Variants in CLIC2 observed in about 807,000 individuals in gnomAD.
CLIC2 encodes the protein chloride intracellular channel protein 2.
A neutral mutation model predicts 14.8 loss-of-function variants in CLIC2; 9 were observed. The ratio of observed to expected loss-of-function variants is 0.61; its 90% confidence interval spans 0.37 to 1.06. CLIC2 has a LOEUF of 1.06. Ranked by LOEUF, CLIC2 falls within the 50% of genes least tolerant of loss-of-function variation. CLIC2 has a pLI of 0.01. For missense variants in CLIC2, 148 were observed against 181.4 expected, an observed-to-expected ratio of 0.82 and a Z score of 1.06; for synonymous variants, 61 against 66.3, an observed-to-expected ratio of 0.92 and a Z score of 0.39.
chrX:155,302,902 C>T (rs2075026366), intron 1 of CLIC2, among the ~76,000 whole-genome samples: 1 of 86,934 alleles, frequency 1.2e-5, no homozygotes, highest in Non-Finnish European at 2.3e-5. Context: ...GAGTGAGATT[C>T]TTAATCCTGA....
chrX:155,279,369 T>TTA, intron 4 of CLIC2, 39 bp from the exon 5 acceptor site: 1 of 1,046,774 alleles, frequency 9.6e-7, no homozygotes, highest in Non-Finnish European at 1.3e-6. Flanking sequence ...GTAAATGTAT[T>TTA]GTCTTTTGAC....
chrX:155,306,618 C>T (rs1313718186), intron 1 of CLIC2, among the ~76,000 whole-genome samples: 1 of 111,436 alleles, frequency 9.0e-6, no homozygotes, highest in Non-Finnish European at 1.9e-5. Flanking sequence ...GTTCTGCTGG[C>T]TGTACAAACA....
chrX:155,297,944 G>A (rs1005232663), intron 3 of CLIC2, among the ~76,000 whole-genome samples: 3 of 104,456 alleles, frequency 2.9e-5, no homozygotes, highest in African/African-American at 1.0e-4. Flanking sequence ...AGAACAATCA[G>A]CCATGTTGCG....
chrX:155,287,666 C>T (rs375170491), intron 3 of CLIC2, among the ~76,000 whole-genome samples: 6 of 111,870 alleles, frequency 5.4e-5, no homozygotes, highest in African/African-American at 1.3e-4. Context: ...CAGTATAGTT[C>T]GAAGTTGGCT....
At chrX:155,320,815 A>G (rs2075111610) in intron 1 of CLIC2, among the ~76,000 whole-genome samples, 1 of 111,865 alleles carries the variant, frequency 8.9e-6, no homozygotes, top group African/African-American at 3.2e-5. Context: ...AAGAACCTTG[A>G]AAAAAGGTTA....
intron 3 of CLIC2, among the ~76,000 whole-genome samples, chrX:155,286,158 T>A (rs1163065228): frequency 1.8e-5 from 2 of 111,548 alleles, no homozygotes; most frequent in East Asian, 5.6e-4. Flanking sequence ...AACACCCCAG[T>A]GTGTATTGTT....
chrX:155,327,154 C>T (rs2075141390), intron 1 of CLIC2, among the ~76,000 whole-genome samples: 2 of 111,353 alleles, frequency 1.8e-5, no homozygotes, highest in Non-Finnish European at 3.8e-5. Flanking sequence ...AACATAACAA[C>T]GCCTTAATTT....
intron 1 of CLIC2, among the ~76,000 whole-genome samples, chrX:155,312,008 G>T (rs2075076129): frequency 9.0e-6 from 1 of 111,479 alleles, no homozygotes; most frequent in African/African-American, 3.3e-5. Flanking sequence ...ATGAAATTTG[G>T]GTGGGGACAC....
chrX:155,288,768 C>A (rs2074952045), intron 3 of CLIC2, among the ~76,000 whole-genome samples: 4 of 111,690 alleles, frequency 3.6e-5, no homozygotes, highest in Middle Eastern at 9.2e-3. Flanking sequence ...ATCTGTCAAC[C>A]CATAATTATT....
intron 1 of CLIC2, among the ~76,000 whole-genome samples, chrX:155,332,292 T>A (rs975361853): frequency 1.8e-5 from 2 of 111,729 alleles, no homozygotes; most frequent in African/African-American, 6.5e-5. Flanking sequence ...GCACTTTTAG[T>A]CTTTCTCAAC....
intron 1 of CLIC2, among the ~76,000 whole-genome samples, chrX:155,324,775 A>C (rs1557322142): frequency 1.8e-5 from 2 of 112,078 alleles, no homozygotes; most frequent in Admixed American, 9.5e-5. Context: ...GGATCTAATT[A>C]AACTAAAGAG....
chrX:155,277,905 A>G lies in CLIC2; in HGVS notation c.742T>C (p.Ter248GlnextTer29). 8.3e-7 allele frequency: 1 copy of G among 1,206,116 alleles called. No homozygotes were observed. Among genetic ancestry groups the G allele is most frequent in the Non-Finnish European group, 1.1e-6 (1 of 890,533 alleles). ...TYANVAKQKS[*>Q] ...CCTTGTCTCCTGTAAGAGCTCTCCTAACTCTTCTGTTTAGCCACATTTGCG... is the reference window on the plus strand; with the variant it reads ...CCTTGTCTCCTGTAAGAGCTCTCCTGACTCTTCTGTTTAGCCACATTTGCG... The change falls in exon 6 of 6, where the codon TAG (stop) becomes CAG (glutamine). Residue 248 changes from the stop codon to glutamine (Q), a stop_lost. Coordinates refer to ENST00000369449, the MANE Select transcript of CLIC2 (RefSeq NM_001289.6).
At chrX:155,314,369 T>G (rs1488628171) in intron 1 of CLIC2, among the ~76,000 whole-genome samples, 2 of 112,464 alleles carry the variant, frequency 1.8e-5, no homozygotes, top group Non-Finnish European at 3.8e-5. Flanking sequence ...GGTGCTGGTA[T>G]CCATGGCCAA....
chrX:155,284,940 T>TTAAG (rs1557316947), intron 3 of CLIC2, among the ~76,000 whole-genome samples: 2 of 112,255 alleles, frequency 1.8e-5, no homozygotes, highest in African/African-American at 6.5e-5. Context: ...TTTTTATTCA[T>TTAAG]TAAGTGTTCT....
chrX:155,322,297 A>T (rs1382593914), intron 1 of CLIC2, among the ~76,000 whole-genome samples: 5 of 111,842 alleles, frequency 4.5e-5, no homozygotes, highest in African/African-American at 1.6e-4. Flanking sequence ...AATTGACCAC[A>T]TAATTGGAAG....
chrX:155,279,893 A>C, intron 4 of CLIC2, 69 bp downstream of exon 4: 2 of 765,502 alleles, frequency 2.6e-6, no homozygotes, highest in Non-Finnish European at 4.0e-6. Flanking sequence ...ATTCAGGAAA[A>C]TTCTATTTTT....
At chrX:155,296,608 G>C (rs902317695) in intron 3 of CLIC2, among the ~76,000 whole-genome samples, 21 of 110,773 alleles carry the variant, frequency 1.9e-4, no homozygotes, top group African/African-American at 6.9e-4. Flanking sequence ...TTCAACAGGG[G>C]ACTAATATCC....
At chrX:155,285,311 CTTCACT>C (rs1289799790) in intron 3 of CLIC2, among the ~76,000 whole-genome samples, 1 of 111,901 alleles carries the variant, frequency 8.9e-6, no homozygotes, top group Non-Finnish European at 1.9e-5. Flanking sequence ...GTTATCGAAT[CTTCACT>C]TTTAAAAATG....
At chrX:155,291,063 C>G in intron 3 of CLIC2, 1 of 815,739 alleles carries the variant, frequency 1.2e-6, no homozygotes, top group Non-Finnish European at 1.9e-6. Flanking sequence ...CAGAGTTGCT[C>G]TTGTTGCTGC....
Sources: gnomAD v4.1 joint callset for allele counts (sites outside exome capture counted in the v4.1 genomes callset) on GRCh38, gnomAD v4.1.1 for gene constraint, MANE v1.5 for transcripts, NCBI Gene and HGNC (gene_info 2026-07-23, HGNC 2026-07-21) for gene names.